KCNMB2: variants seen among roughly 807,000 people sequenced by gnomAD.
KCNMB2 encodes calcium-activated potassium channel subunit beta-2.
A neutral mutation model predicts 24.5 loss-of-function variants in KCNMB2; 9 were observed. The ratio of observed to expected loss-of-function variants is 0.37; its 90% CI spans 0.22 to 0.64. KCNMB2 has a LOEUF of 0.64. Among genes scored for constraint, KCNMB2 ranks in the 30% least tolerant of loss-of-function variants. KCNMB2 has a pLI of 0.63. For missense variants in KCNMB2, 226 were observed against 284.3 expected (o/e 0.79, Z 1.47); for synonymous variants, 109 against 104.4 (o/e 1.04, Z -0.27).
At chr3:178,803,232 C>A (rs1713840155) in intron 1 of KCNMB2, among the ~76,000 whole-genome samples, 1 of 152,146 alleles carries the variant, frequency 6.6e-6, no homozygotes, top group African/African-American at 2.4e-5. Context: ...ACAAATGGCC[C>A]CATCTGCTGC....
chr3:178,574,731 T>C (rs536592239), intron 1 of KCNMB2, among the ~76,000 whole-genome samples: 7 of 152,312 alleles, frequency 4.6e-5, no homozygotes, highest in African/African-American at 1.7e-4. Context: ...ACACACCTGT[T>C]GCTCTATGTG....
intron 1 of KCNMB2, among the ~76,000 whole-genome samples, chr3:178,622,749 C>A (rs1022162100): frequency 2.6e-5 from 4 of 152,172 alleles, no homozygotes; most frequent in Non-Finnish European, 5.9e-5. Context: ...CTTATCCAGG[C>A]GCCCCTGCTG....
rs550294628 is a variant in KCNMB2 at position 178,750,126 on chromosome 3, A to G, written c.-67-57217A>G. Among the ~76,000 whole-genome samples the G allele has an allele frequency of 3.7e-4, 57 of 152,284 alleles. No homozygotes were observed. In the South Asian group the frequency reaches 7.3e-3, roughly 19 times the overall value. ...GGGAACTCTTTCCTTATTGCTGAGGAAGTCACTTGGAAAAGAAGTCCAATG... is the reference window on the plus strand; with the variant it reads ...GGGAACTCTTTCCTTATTGCTGAGGGAGTCACTTGGAAAAGAAGTCCAATG... On this transcript the variant is annotated intron_variant, in intron 1 of 4. Coordinates refer to ENST00000452583, the MANE Select transcript of KCNMB2 (RefSeq NM_181361.3).
chr3:178,649,393 G>A (rs1720027598), intron 1 of KCNMB2, among the ~76,000 whole-genome samples: 1 of 151,990 alleles, frequency 6.6e-6, no homozygotes, highest in Non-Finnish European at 1.5e-5. Context: ...GTGAGGTAGG[G>A]ATCCAGCTTT....
chr3:178,734,119 A>G (rs573042685), intron 1 of KCNMB2, among the ~76,000 whole-genome samples: 70 of 152,332 alleles, frequency 4.6e-4, no homozygotes, highest in African/African-American at 1.5e-3. Flanking sequence ...ATTTGCATAT[A>G]CATAATGAGA....
chr3:178,713,122 TA>T (rs2108351442), intron 1 of KCNMB2, among the ~76,000 whole-genome samples: 1 of 152,312 alleles, frequency 6.6e-6, no homozygotes, highest in Non-Finnish European at 1.5e-5. Flanking sequence ...CTCCTCCTCA[TA>T]AAATAAGGTT....
intron 2 of KCNMB2, among the ~76,000 whole-genome samples, chr3:178,811,504 CAT>C (rs1330454576): frequency 6.6e-6 from 1 of 152,088 alleles, no homozygotes; most frequent in Non-Finnish European, 1.5e-5. Flanking sequence ...TTTCACCAAA[CAT>C]TATGTTGTTA....
intron 2 of KCNMB2, among the ~76,000 whole-genome samples, chr3:178,813,592 C>T (rs758169203): frequency 1.2e-4 from 19 of 152,008 alleles, no homozygotes; most frequent in Admixed American, 2.6e-4. Flanking sequence ...CCAATCCTTA[C>T]GGTTTTTTCT....
chr3:178,600,086 C>T (rs551671244), intron 1 of KCNMB2, among the ~76,000 whole-genome samples: 1 of 152,080 alleles, frequency 6.6e-6, no homozygotes, highest in African/African-American at 2.4e-5. Context: ...TCATGTTGGC[C>T]AGGTTGGTCT....
chr3:178,834,030 C>T (rs1447946243), intron 4 of KCNMB2, among the ~76,000 whole-genome samples: 1 of 152,154 alleles, frequency 6.6e-6, no homozygotes, highest in Non-Finnish European at 1.5e-5. Flanking sequence ...AGTTTAAAAC[C>T]TCTTTTACTC....
At chr3:178,617,888 CT>C (rs1175214180) in intron 1 of KCNMB2, among the ~76,000 whole-genome samples, 23 of 76,396 alleles carry the variant, frequency 3.0e-4, no homozygotes, top group Middle Eastern at 7.9e-3. Flanking sequence ...AAGACTCTGT[CT>C]AAAAAAAAAA....
At chr3:178,771,065 T>G (rs1283562880) in intron 1 of KCNMB2, among the ~76,000 whole-genome samples, 1 of 152,234 alleles carries the variant, frequency 6.6e-6, no homozygotes, top group East Asian at 1.9e-4. Flanking sequence ...TAAATTATAA[T>G]TATCTGGTTT....
chr3:178,629,076 A>G (rs1719220496), intron 1 of KCNMB2, among the ~76,000 whole-genome samples: 1 of 152,200 alleles, frequency 6.6e-6, no homozygotes, highest in South Asian at 2.1e-4. Flanking sequence ...TATAATATTT[A>G]AAATGGCTCC....
intron 1 of KCNMB2, among the ~76,000 whole-genome samples, chr3:178,601,720 G>A (rs538107831): frequency 2.6e-5 from 4 of 152,210 alleles, no homozygotes; most frequent in African/African-American, 4.8e-5. Flanking sequence ...TTACACCACC[G>A]CCAATAAATT....
At chr3:178,702,065 A>G (rs1028767416) in intron 1 of KCNMB2, among the ~76,000 whole-genome samples, 5 of 152,100 alleles carry the variant, frequency 3.3e-5, no homozygotes, top group Non-Finnish European at 5.9e-5. Context: ...GGATTAAGAA[A>G]ATGTGGCACA....
chr3:178,673,430 G>A (rs1678530708), intron 1 of KCNMB2, among the ~76,000 whole-genome samples: 1 of 151,504 alleles, frequency 6.6e-6, no homozygotes, highest in African/African-American at 2.4e-5. Flanking sequence ...CTCAGCTAAT[G>A]ACCTTAATTC....
intron 1 of KCNMB2, among the ~76,000 whole-genome samples, chr3:178,785,172 A>G (rs1365978260): frequency 6.6e-6 from 1 of 152,120 alleles, no homozygotes; most frequent in Non-Finnish European, 1.5e-5. Context: ...AAAATGTTCA[A>G]TAAGATACCA....
intron 1 of KCNMB2, among the ~76,000 whole-genome samples, chr3:178,623,736 A>G (rs959414480): frequency 6.6e-6 from 1 of 152,064 alleles, no homozygotes; most frequent in African/African-American, 2.4e-5. Context: ...CTCTGCATCA[A>G]CTCCTCCTGT....
At chr3:178,609,606 G>A (rs1262552645) in intron 1 of KCNMB2, among the ~76,000 whole-genome samples, 2 of 151,912 alleles carry the variant, frequency 1.3e-5, no homozygotes, top group African/African-American at 2.4e-5. Flanking sequence ...TCATTTCATA[G>A]TGTGAGATCT....
Sources: gnomAD v4.1 joint callset for allele counts (sites outside exome capture counted in the v4.1 genomes callset) on GRCh38, gnomAD v4.1.1 for gene constraint, MANE v1.5 for transcripts, NCBI Gene and HGNC (gene_info 2026-07-23, HGNC 2026-07-21) for gene names.